The following TYW1 variants were observed in gnomAD, a reference collection of about 807,000 sequenced individuals.
The protein encoded by TYW1 is S-adenosyl-L-methionine-dependent tRNA 4-demethylwyosine synthase TYW1.
In TYW1, 46 loss-of-function variants were observed where a neutral mutation model predicts 96.2. The ratio of observed to expected loss-of-function variants is 0.48; its 90% CI spans 0.38 to 0.61. The LOEUF is 0.61. Ranked by LOEUF, TYW1 falls within the 20% of genes least tolerant of loss-of-function variation. TYW1 has a pLI of 0.00. For synonymous variants in TYW1, 274 were observed against 323.0 expected (o/e 0.85, Z 1.63); for missense variants, 684 against 909.6 (o/e 0.75, Z 3.19).
chr7:67,014,127 G>A (rs1244589597), intron 4 of TYW1, among the ~76,000 whole-genome samples: 2 of 152,120 alleles, frequency 1.3e-5, no homozygotes, highest in Non-Finnish European at 2.9e-5. Flanking sequence ...ATAACGGAAT[G>A]GCGTATATGG....
chr7:67,198,360 G>C (rs752193809), intron 15 of TYW1, among the ~76,000 whole-genome samples: 2 of 151,928 alleles, frequency 1.3e-5, no homozygotes, highest in Non-Finnish European at 2.9e-5. Context: ...AGACCAACCT[G>C]GCCAACATAG....
intron 13 of TYW1, among the ~76,000 whole-genome samples, chr7:67,128,675 T>C (rs563195049): frequency 6.7e-6 from 1 of 149,220 alleles, no homozygotes. Context: ...TGTAGTCTTA[T>C]GATTAGGTCT....
intron 12 of TYW1, among the ~76,000 whole-genome samples, chr7:67,105,086 G>C (rs1450264517): frequency 6.6e-6 from 1 of 152,220 alleles, no homozygotes; most frequent in Non-Finnish European, 1.5e-5. Flanking sequence ...AGCAGCGAGG[G>C]GGGCAAGCCC....
intron 13 of TYW1, among the ~76,000 whole-genome samples, chr7:67,170,061 G>A (rs1438189703): frequency 1.3e-5 from 2 of 152,110 alleles, no homozygotes; most frequent in South Asian, 2.1e-4. Context: ...TTTACCTTAT[G>A]TTTTCTTCCA....
intron 6 of TYW1, among the ~76,000 whole-genome samples, chr7:67,023,527 G>A (rs1046365652): frequency 6.6e-6 from 1 of 152,054 alleles, no homozygotes; most frequent in African/African-American, 2.4e-5. Flanking sequence ...CAGCAATTTG[G>A]GAGGCTGAGG....
intron 6 of TYW1, among the ~76,000 whole-genome samples, chr7:67,023,776 A>C (rs1794356572): frequency 6.6e-6 from 1 of 151,978 alleles, no homozygotes; most frequent in Non-Finnish European, 1.5e-5. Context: ...ACAACAACAA[A>C]AACAACAACA....
At chr7:67,153,435 G>A (rs185867106) in intron 13 of TYW1, among the ~76,000 whole-genome samples, 19 of 152,266 alleles carry the variant, frequency 1.2e-4, no homozygotes, top group Admixed American at 1.1e-3. Flanking sequence ...CAGCCTGGGT[G>A]ACAAAGCAAG....
At chr7:67,187,697 T>G (rs1299318271) in intron 14 of TYW1, among the ~76,000 whole-genome samples, 2 of 152,278 alleles carry the variant, frequency 1.3e-5, no homozygotes, top group African/African-American at 4.8e-5. Flanking sequence ...ATTTGCATTT[T>G]AAATCCTTGA....
chr7:67,007,322 C>G (rs1408488187), intron 3 of TYW1, among the ~76,000 whole-genome samples: 2 of 152,186 alleles, frequency 1.3e-5, no homozygotes, highest in African/African-American at 2.4e-5. Context: ...TCTTGAGCCA[C>G]TTGCTCAAGC....
chr7:67,177,095 T>C (rs939866407), intron 13 of TYW1, among the ~76,000 whole-genome samples: 3 of 152,202 alleles, frequency 2.0e-5, no homozygotes, highest in Non-Finnish European at 4.4e-5. Flanking sequence ...TGGAACAGAA[T>C]AGAAAAAACC....
At chr7:67,173,454 T>C (rs1799574496) in intron 13 of TYW1, among the ~76,000 whole-genome samples, 1 of 152,244 alleles carries the variant, frequency 6.6e-6, no homozygotes, top group African/African-American at 2.4e-5. Flanking sequence ...ATTCAGTTTT[T>C]GTCAAGAATA....
intron 15 of TYW1, among the ~76,000 whole-genome samples, chr7:67,200,617 T>A (rs1800564330): frequency 6.6e-6 from 1 of 152,068 alleles, no homozygotes; most frequent in Admixed American, 6.6e-5. Flanking sequence ...AAGGTGAGAT[T>A]TGGGTGGGGA....
In TYW1 at chr7:67,089,426, C is replaced by T. The variant is rs71563155; in HGVS notation, c.1384+5887C>T. On this transcript the variant is annotated intron_variant, in intron 11 of 15. Transcript: ENST00000359626. ...CTGGTAAAGGTCGAAGCGCTGGGTG[C>T]GGAAGACTCCACTGCAGGTGGAAGG... The T allele has an allele frequency of 2.4e-4, 296 of 1,238,594 alleles. 1 individual carries two copies. Among genetic ancestry groups the T allele is most frequent in the African/African-American group, 2.3e-3 (155 of 67,808 alleles). The allele number at this position is 1,238,594 out of a possible 1,614,324, so 76.7% of individuals were successfully genotyped here.
At chr7:67,229,488 G>A (rs1242272208) in intron 15 of TYW1, among the ~76,000 whole-genome samples, 3 of 151,812 alleles carry the variant, frequency 2.0e-5, no homozygotes, top group Admixed American at 6.6e-5. Flanking sequence ...TCAGTGAGCC[G>A]AGATTGTGCC....
intron 7 of TYW1, among the ~76,000 whole-genome samples, chr7:67,029,409 G>GTATATATATACACA: frequency 9.3e-6 from 1 of 107,142 alleles, no homozygotes; most frequent in South Asian, 2.9e-4. Flanking sequence ...GTGTGTGTGT[G>GTATATATATACACA]TGTGTGTATA....
Position 67,166,726 on chromosome 7 carries a change from G to A in TYW1, c.1699-16400G>A, listed in dbSNP as rs1314140135. Among the ~76,000 whole-genome samples, 4 of 152,054 alleles carry A rather than the reference G, an allele frequency of 2.6e-5. No homozygotes were observed. The East Asian group carries it at 7.7e-4, about 29-fold the overall frequency. On this transcript the variant is annotated intron_variant, in intron 13 of 15. Coordinates refer to ENST00000359626, the MANE Select transcript of TYW1 (RefSeq NM_018264.4). ...AATTCATCCATTTTCATTGCTATAT[G>A]TCAATATATGAGTATGCCACGATTT...
intron 4 of TYW1, among the ~76,000 whole-genome samples, chr7:67,010,539 G>A (rs1201717658): frequency 6.6e-5 from 10 of 150,650 alleles, no homozygotes; most frequent in Admixed American, 4.6e-4. Context: ...GTAGTGGCGC[G>A]ATCTCAGCTC....
chr7:67,206,740 A>G lies in TYW1; in HGVS notation c.1977+11403A>G, dbSNP rs370934478. Among the ~76,000 whole-genome samples the G allele has an allele frequency of 9.8e-5, 15 of 152,358 alleles. No individual in the cohort carries two copies. In the East Asian group the frequency reaches 1.2e-3, roughly 12 times the overall value. On this transcript the variant is annotated intron_variant, in intron 15 of 15. Transcript: ENST00000359626. ...AGCAAAACAAACCCTAAAGACTAGAAGAATACACTAAAATGATCATACAAT... is the reference window on the plus strand; with the variant it reads ...AGCAAAACAAACCCTAAAGACTAGAGGAATACACTAAAATGATCATACAAT...
chr7:67,065,088 A>C (rs997032075), intron 9 of TYW1, among the ~76,000 whole-genome samples: 1 of 152,142 alleles, frequency 6.6e-6, no homozygotes, highest in African/African-American at 2.4e-5. Flanking sequence ...TTTGGACCGC[A>C]CACCTCTGGG....
Sources: allele counts gnomAD v4.1 joint callset (sites outside exome capture counted in the v4.1 genomes callset), GRCh38; gene constraint gnomAD v4.1.1; transcripts MANE v1.5; gene names NCBI Gene and HGNC (gene_info 2026-07-23, HGNC 2026-07-21).